POGZ: variants seen among roughly 807,000 people sequenced by gnomAD.
POGZ encodes the protein pogo transposable element with ZNF domain.
Under a neutral mutation model 134.6 loss-of-function variants are expected in POGZ, and 17 were observed. The observed-to-expected ratio is 0.13, with a 90% CI of 0.09 to 0.19. POGZ has a LOEUF of 0.19. Ranked by LOEUF, POGZ falls within the 10% of genes least tolerant of loss-of-function variation. The pLI, the probability that POGZ is intolerant of heterozygous loss-of-function variation, is 1.00. For synonymous variants in POGZ, 693 were observed against 657.1 expected, an observed-to-expected ratio of 1.05 and a Z score of -0.84; for missense variants, 1,306 against 1,769.7, an observed-to-expected ratio of 0.74 and a Z score of 4.70.
chr1:151,451,482 A>G (rs927106493), intron 1 of POGZ, among the ~76,000 whole-genome samples: 1 of 151,556 alleles, frequency 6.6e-6, no homozygotes, highest in Non-Finnish European at 1.5e-5. Context: ...ATGCGTTACC[A>G]TGCCTGGCTC....
rs1029033917 is a variant in POGZ at position 151,408,243 on chromosome 1, G to A, written c.2235-3C>T. ...ATGTCTGCCGGCCCATGACACTCCT[G>A]TGGGGGAAAAAAAAAAAGAATTCTC... On this transcript the variant is annotated splice_polypyrimidine_tract_variant and splice_region_variant and intron_variant, in intron 14 of 18. Coordinates refer to ENST00000271715, the MANE Select transcript of POGZ (RefSeq NM_015100.4). 4 of 1,603,432 alleles carry A rather than the reference G, an allele frequency of 2.5e-6. No homozygotes were observed. Among genetic ancestry groups the A allele is most frequent in the Non-Finnish European group, 3.4e-6 (4 of 1,176,938 alleles).
At chr1:151,459,044 C>G (rs1373457547) in intron 1 of POGZ, 108 bp downstream of exon 1, 1 of 146,936 alleles carries the variant, frequency 6.8e-6, no homozygotes, top group African/African-American at 2.5e-5. Context: ...GCGTACCGGC[C>G]CCATCCCCCT....
chr1:151,420,714 G>T (rs1656741271), intron 10 of POGZ, among the ~76,000 whole-genome samples: 1 of 151,960 alleles, frequency 6.6e-6, no homozygotes, highest in Admixed American at 6.6e-5. Context: ...CTTAAAATGT[G>T]GTAAGCTCAA....
intron 1 of POGZ, among the ~76,000 whole-genome samples, chr1:151,446,046 C>A (rs1257940978): frequency 2.4e-5 from 3 of 123,926 alleles, no homozygotes; most frequent in Non-Finnish European, 4.9e-5. Context: ...CGTCTTTCAA[C>A]TTTTTTTTTT....
At chr1:151,423,309 A>G in intron 10 of POGZ, 88 bp downstream of exon 10, 1 of 1,118,748 alleles carries the variant, frequency 8.9e-7, no homozygotes. Context: ...ACCCACATGT[A>G]AATAAATATA....
At chr1:151,424,606 C>A in intron 8 of POGZ, 1 of 300,940 alleles carries the variant, frequency 3.3e-6, no homozygotes, top group Non-Finnish European at 6.1e-6. Context: ...AAATGAAAAG[C>A]TAAAAAATGG....
intron 10 of POGZ, among the ~76,000 whole-genome samples, chr1:151,422,852 A>C (rs995812807): frequency 6.6e-6 from 1 of 152,160 alleles, no homozygotes; most frequent in African/African-American, 2.4e-5. Flanking sequence ...TCGGCCTCCC[A>C]AAGTGTTGGG....
intron 3 of POGZ, among the ~76,000 whole-genome samples, chr1:151,433,910 G>C (rs982549085): frequency 3.3e-5 from 5 of 152,152 alleles, no homozygotes; most frequent in African/African-American, 1.2e-4. Context: ...CTAGGGCAGT[G>C]GTATGCACCC....
At chr1:151,427,666 A>T in intron 7 of POGZ, 157 bp downstream of exon 7, 1 of 598,040 alleles carries the variant, frequency 1.7e-6, no homozygotes, top group Non-Finnish European at 3.0e-6. Context: ...CACTTTTTGT[A>T]AGTGGCTTTC....
chr1:151,407,240 A>T lies in POGZ; in HGVS notation c.2427T>A (p.Ser809=). The change falls in exon 16 of 19, where the codon TCT becomes TCA. Residue 809 remains serine (S), a synonymous_variant. Coordinates refer to ENST00000271715, the MANE Select transcript of POGZ (RefSeq NM_015100.4). ...GCCAATAAGTTTTTTCTTACCTCAC[A>T]GAATTTTTAAACAAAGCCAAATACT... ...SPKYLALFKN[S]VSGIKLACTS... 3 of 1,600,412 alleles carry T rather than the reference A, an allele frequency of 1.9e-6. No individual in the cohort carries two copies. Among genetic ancestry groups the T allele is most frequent in the Non-Finnish European group, 8.5e-7 (1 of 1,173,738 alleles).
chr1:151,404,200 GA>G lies in POGZ; in HGVS notation c.*601del. 2 of 985,658 alleles carry G rather than the reference GA, an allele frequency of 2.0e-6. No individual in the cohort carries two copies. The highest frequency in any genetic ancestry group is 2.4e-6 in the Non-Finnish European group (2 of 829,792). The allele number at this position is 985,658 out of a possible 1,614,324, so 61.1% of individuals were successfully genotyped here. ...GAAGGAAAGAAAAGGAGAAGGAAGA[GA>G]GAGTTCAGTGGGACTTTTTTTCCAT... On this transcript the variant is annotated 3_prime_UTR_variant, in exon 19 of 19. Coordinates refer to ENST00000271715, the MANE Select transcript of POGZ (RefSeq NM_015100.4).
intron 1 of POGZ, among the ~76,000 whole-genome samples, chr1:151,449,957 A>AT (rs1331950141): frequency 1.1e-4 from 16 of 151,348 alleles, no homozygotes; most frequent in South Asian, 4.2e-4. Context: ...TATGTTAAAA[A>AT]TTTTTTTATA....
rs1264336405 is a variant in POGZ, at chr1:151,412,331, T to A, written c.1744A>T (p.Thr582Ser). The A allele has an allele frequency of 1.9e-6, 3 of 1,607,374 alleles. No individual in the cohort carries two copies. The highest frequency in any genetic ancestry group is 2.6e-6 in the Non-Finnish European group (3 of 1,174,214). The change falls in exon 11 of 19, where the codon ACT becomes TCT. Residue 582 changes from threonine (T) to serine (S), a missense_variant. Physicochemically the swap from Thr to Ser is moderately conservative, Grantham distance 58 (BLOSUM62 1). Coordinates refer to ENST00000271715, the MANE Select transcript of POGZ (RefSeq NM_015100.4). ...EPLFLQHMKD[T>S]HKPGEMPYVC... ...TAAGGCATCTCTCCAGGCTTATGAGTATCCTTCATATGCTGGAGAAATAGT... is the reference window on the plus strand; with the variant it reads ...TAAGGCATCTCTCCAGGCTTATGAGAATCCTTCATATGCTGGAGAAATAGT...
intron 3 of POGZ, among the ~76,000 whole-genome samples, chr1:151,437,142 C>A (rs1200375177): frequency 6.6e-6 from 1 of 151,258 alleles, no homozygotes; most frequent in East Asian, 1.9e-4. Flanking sequence ...TGCAGTGAGC[C>A]GAGATTGCGC....
intron 3 of POGZ, among the ~76,000 whole-genome samples, chr1:151,431,718 AT>A (rs1658727371): frequency 6.6e-6 from 1 of 152,232 alleles, no homozygotes. Flanking sequence ...TATTATTGAA[AT>A]ATCTTAAATT....
intron 10 of POGZ, among the ~76,000 whole-genome samples, chr1:151,417,688 C>T (rs1004596250): frequency 7.3e-6 from 1 of 137,464 alleles, no homozygotes; most frequent in Non-Finnish European, 1.6e-5. Flanking sequence ...GGTACTGTGG[C>T]CACACACACA....
chr1:151,430,932 T>C, intron 3 of POGZ, 91 bp from the exon 4 acceptor site: 1 of 676,054 alleles, frequency 1.5e-6, no homozygotes. Flanking sequence ...TATTTTATTT[T>C]ATTTTATTTT....
At chr1:151,449,484 A>G (rs896266490) in intron 1 of POGZ, among the ~76,000 whole-genome samples, 13 of 152,202 alleles carry the variant, frequency 8.5e-5, no homozygotes. Flanking sequence ...CTAAATGTCA[A>G]TAGTGCCAAG....
chr1:151,455,908 T>C (rs1432847443), intron 1 of POGZ, among the ~76,000 whole-genome samples: 1 of 150,596 alleles, frequency 6.6e-6, no homozygotes, highest in African/African-American at 2.4e-5. Context: ...TTTTTTTTTT[T>C]TTTTTTTTTT....
Sources: gnomAD v4.1 joint callset for allele counts (sites outside exome capture counted in the v4.1 genomes callset) on GRCh38, gnomAD v4.1.1 for gene constraint, MANE v1.5 for transcripts, NCBI Gene and HGNC (gene_info 2026-07-23, HGNC 2026-07-21) for gene names.